Variants in SPRY3 observed in about 807,000 individuals in gnomAD.
SPRY3 encodes protein sprouty homolog 3.
In SPRY3, 15 loss-of-function variants were observed where a neutral mutation model predicts 20.2. The ratio of observed to expected loss-of-function variants is 0.74; its 90% CI spans 0.50 to 1.14. The LOEUF (loss-of-function observed/expected upper bound fraction) is 1.14, where lower values mean the gene tolerates loss of function less well. Among genes scored for constraint, SPRY3 ranks in the 50% most tolerant of loss-of-function variants. The pLI is 0.00. For missense variants in SPRY3, 364 were observed against 363.9 expected, an observed-to-expected ratio of 1.00 and a Z score of 0.00; for synonymous variants, 143 against 136.5, an observed-to-expected ratio of 1.05 and a Z score of -0.33.
chrX:155,711,688 ATT>A (rs4047354), intron 2 of SPRY3, among the ~76,000 whole-genome samples: 25 of 146,282 alleles, frequency 1.7e-4, no homozygotes, highest in Middle Eastern at 3.5e-3. Flanking sequence ...TCTTTTTACT[ATT>A]TTTTTTTTGC....
At chrX:155,774,263 G>C in exon 4 of SPRY3, 3 of 1,614,018 alleles carry the variant, frequency 1.9e-6, no homozygotes, top group Non-Finnish European at 1.7e-6. Flanking sequence ...GCTCTGAAGG[G>C]AGAAGCTGAG....
intron 2 of SPRY3, among the ~76,000 whole-genome samples, chrX:155,760,927 A>G (rs1370270271): frequency 6.6e-6 from 1 of 152,158 alleles, no homozygotes; most frequent in African/African-American, 2.4e-5. Flanking sequence ...GATTTGGTCC[A>G]AAATGTCAAT....
chrX:155,732,769 G>A (rs1226688618), intron 2 of SPRY3, among the ~76,000 whole-genome samples: 1 of 152,006 alleles, frequency 6.6e-6, no homozygotes, highest in Non-Finnish European at 1.5e-5. Context: ...ATCAACAGAT[G>A]AATGAAGAAA....
At chrX:155,612,937 GC>G (rs782264501) in intron 1 of SPRY3, 7 of 112,321 alleles carry the variant, frequency 6.2e-5, no homozygotes, top group African/African-American at 1.9e-4. Context: ...GCCCGCTCGG[GC>G]CCAGCGGAGA....
At chrX:155,752,297 T>C (rs2091267412) in intron 2 of SPRY3, among the ~76,000 whole-genome samples, 1 of 151,110 alleles carries the variant, frequency 6.6e-6, no homozygotes, top group African/African-American at 2.4e-5. Flanking sequence ...TCAAAAAATA[T>C]GAAATCATCA....
intron 2 of SPRY3, among the ~76,000 whole-genome samples, chrX:155,746,639 T>C (rs891821488): frequency 1.3e-5 from 2 of 151,978 alleles, no homozygotes; most frequent in African/African-American, 4.8e-5. Context: ...TTTCAGTCTT[T>C]CCTTTACCTT....
intron 1 of SPRY3, among the ~76,000 whole-genome samples, chrX:155,638,736 A>ATCG (rs1557351239): frequency 2.7e-5 from 3 of 111,243 alleles, no homozygotes; most frequent in Admixed American, 9.6e-5. Context: ...TAAGCCCATC[A>ATCG]ATACGATAGT....
At chrX:155,736,387 T>G (rs1288733086) in intron 2 of SPRY3, among the ~76,000 whole-genome samples, 1 of 151,940 alleles carries the variant, frequency 6.6e-6, no homozygotes, top group African/African-American at 2.4e-5. Flanking sequence ...TGGTGACACA[T>G]TTCCTCAAGT....
At chrX:155,679,053 G>A (rs1335782191) in intron 2 of SPRY3, among the ~76,000 whole-genome samples, 1 of 110,815 alleles carries the variant, frequency 9.0e-6, no homozygotes, top group African/African-American at 3.3e-5. Flanking sequence ...GTAGGGGCGT[G>A]GGGGGCTGGG....
chrX:155,691,857 A>C (rs187738781), intron 2 of SPRY3, among the ~76,000 whole-genome samples: 1 of 87,179 alleles, frequency 1.1e-5, no homozygotes, highest in African/African-American at 5.5e-5. Flanking sequence ...TAGTTGCCCT[A>C]TTGTGATACT....
intron 2 of SPRY3, among the ~76,000 whole-genome samples, chrX:155,728,783 C>G (rs1395563402): frequency 6.6e-6 from 1 of 152,254 alleles, no homozygotes; most frequent in Non-Finnish European, 1.5e-5. Context: ...AGGCGACACC[C>G]TGCCCTGCTT....
chrX:155,768,705 C>T (rs2091362937), intron 3 of SPRY3, among the ~76,000 whole-genome samples: 1 of 152,116 alleles, frequency 6.6e-6, no homozygotes, highest in Non-Finnish European at 1.5e-5. Context: ...TGTATCCGTG[C>T]CTGGGTACGT....
chrX:155,615,503 T>TA (rs1185305013), intron 1 of SPRY3, among the ~76,000 whole-genome samples: 1 of 112,358 alleles, frequency 8.9e-6, no homozygotes, highest in Admixed American at 9.4e-5. Flanking sequence ...TTGAAAGAGT[T>TA]AAAAAATTAA....
At chrX:155,663,028 G>A (rs2068015172) in intron 2 of SPRY3, among the ~76,000 whole-genome samples, 1 of 112,138 alleles carries the variant, frequency 8.9e-6, no homozygotes, top group Non-Finnish European at 1.9e-5. Flanking sequence ...TTTGTTTAAT[G>A]TAGTATTAGA....
intron 2 of SPRY3, among the ~76,000 whole-genome samples, chrX:155,711,346 G>T (rs1161940584): frequency 1.3e-5 from 2 of 151,678 alleles, no homozygotes; most frequent in Non-Finnish European, 3.0e-5. Flanking sequence ...TTATTGGTCT[G>T]TTCAGGTTTT....
intron 1 of SPRY3, among the ~76,000 whole-genome samples, chrX:155,656,554 C>T (rs1176449734): frequency 9.0e-6 from 1 of 111,061 alleles, no homozygotes; most frequent in Non-Finnish European, 1.9e-5. Context: ...TCCTTTAGCT[C>T]AGAGGAGTTT....
intron 2 of SPRY3, among the ~76,000 whole-genome samples, chrX:155,664,049 T>A (rs1557353990): frequency 9.1e-6 from 1 of 110,404 alleles, no homozygotes. Flanking sequence ...TGCATAATAA[T>A]CACATCATGG....
intron 2 of SPRY3, among the ~76,000 whole-genome samples, chrX:155,704,816 A>T (rs2090938414): frequency 6.6e-6 from 1 of 151,652 alleles, no homozygotes; most frequent in Non-Finnish European, 1.5e-5. Context: ...ATAACAGCAG[A>T]CTATTTGTCA....
chrX:155,723,825 T>G (rs1237004020), intron 2 of SPRY3, among the ~76,000 whole-genome samples: 1 of 152,204 alleles, frequency 6.6e-6, no homozygotes, highest in Non-Finnish European at 1.5e-5. Context: ...TTGTTGCCAT[T>G]GCTTTTGATG....
Sources: gnomAD v4.1 joint callset for allele counts (sites outside exome capture counted in the v4.1 genomes callset) on GRCh38, gnomAD v4.1.1 for gene constraint, MANE v1.5 for transcripts, NCBI Gene and HGNC (gene_info 2026-07-23, HGNC 2026-07-21) for gene names.